Variants in PREP observed in about 807,000 individuals in gnomAD.
PREP encodes dJ355L5.1 (prolyl endopeptidase).
In PREP, 29 loss-of-function variants were observed where a neutral mutation model predicts 87.6. That is an observed-to-expected ratio of 0.33 (90% CI 0.25 to 0.45). PREP has a LOEUF of 0.45. Ranked by LOEUF, PREP falls within the 20% of genes least tolerant of loss-of-function variation. The pLI is 1.00. For synonymous variants in PREP, 337 were observed against 328.6 expected (o/e 1.03, Z -0.28); for missense variants, 695 against 886.5 (o/e 0.78, Z 2.74).
intron 2 of PREP, among the ~76,000 whole-genome samples, chr6:105,389,967 T>A (rs1262450005): frequency 6.6e-6 from 1 of 152,132 alleles, no homozygotes; most frequent in Non-Finnish European, 1.5e-5. Context: ...AAAGCAGACG[T>A]TTTCCTACAC....
chr6:105,395,885 C>A (rs193052047), intron 2 of PREP, among the ~76,000 whole-genome samples: 43 of 152,222 alleles, frequency 2.8e-4, no homozygotes, highest in Non-Finnish European at 5.1e-4. Flanking sequence ...CATCCTTTCC[C>A]TGGTGCTTTC....
intron 9 of PREP, among the ~76,000 whole-genome samples, 188 bp from the exon 10 acceptor site, chr6:105,323,956 G>A (rs553239396): frequency 6.6e-6 from 1 of 152,308 alleles, no homozygotes; most frequent in South Asian, 2.1e-4. Flanking sequence ...GGCATGAGGG[G>A]TGCTATGTAA....
At chr6:105,399,727 C>G (rs975166516) in intron 1 of PREP, among the ~76,000 whole-genome samples, 1 of 152,144 alleles carries the variant, frequency 6.6e-6, no homozygotes, top group African/African-American at 2.4e-5. Flanking sequence ...ATCTGCTTTT[C>G]CTAGCATTAA....
chr6:105,345,979 T>C (rs1771786610), intron 7 of PREP, among the ~76,000 whole-genome samples: 1 of 152,236 alleles, frequency 6.6e-6, no homozygotes, highest in Non-Finnish European at 1.5e-5. Context: ...TTAAAATTAG[T>C]ATAAATACTC....
chr6:105,352,177 G>A (rs1771974509), intron 7 of PREP, among the ~76,000 whole-genome samples: 1 of 152,208 alleles, frequency 6.6e-6, no homozygotes, highest in Non-Finnish European at 1.5e-5. Context: ...AGAAGATAAT[G>A]TAATTAGCTT....
At chr6:105,402,002 T>C (rs1347368391) in intron 1 of PREP, among the ~76,000 whole-genome samples, 1 of 152,150 alleles carries the variant, frequency 6.6e-6, no homozygotes, top group African/African-American at 2.4e-5. Flanking sequence ...TCCTAAGTCG[T>C]CAAATTCACG....
At chr6:105,394,699 G>C (rs1380632440) in intron 2 of PREP, among the ~76,000 whole-genome samples, 3 of 152,204 alleles carry the variant, frequency 2.0e-5, no homozygotes, top group African/African-American at 4.8e-5. Context: ...CAGCTACTTG[G>C]GAGGCTAAGG....
At chr6:105,333,844 G>A (rs1004136185) in intron 7 of PREP, among the ~76,000 whole-genome samples, 10 of 151,950 alleles carry the variant, frequency 6.6e-5, no homozygotes, top group Non-Finnish European at 1.3e-4. Context: ...AGTCGTCGTC[G>A]TCTCCCTCCC....
At chr6:105,397,783 T>C (rs954350388) in intron 2 of PREP, 70 bp downstream of exon 2, 7 of 1,207,432 alleles carry the variant, frequency 5.8e-6, no homozygotes, top group Non-Finnish European at 8.6e-6. Flanking sequence ...GGAAAAGCTA[T>C]AGTTACTGAC....
At chr6:105,327,311 G>C (rs1306226805) in intron 9 of PREP, among the ~76,000 whole-genome samples, 3 of 152,206 alleles carry the variant, frequency 2.0e-5, no homozygotes, top group Non-Finnish European at 2.9e-5. Context: ...AAGAGGGAAT[G>C]GGGGGAGGTG....
chr6:105,282,623 ATAAAAATAAGTTTAATC>A (rs1470992820), intron 12 of PREP, 41 bp from the exon 13 acceptor site: 1 of 1,598,728 alleles, frequency 6.3e-7, no homozygotes, highest in East Asian at 2.2e-5. Flanking sequence ...TTAACAAAAC[ATAAAAATAAGTTTAATC>A]TAATGGGAAT....
Position 105,376,270 on chromosome 6 carries a change from T to C in PREP, c.255-15A>G. 1 of 1,611,114 alleles carries C rather than the reference T, an allele frequency of 6.2e-7. No homozygotes were observed. Among genetic ancestry groups the C allele is most frequent in the South Asian group, 1.1e-5 (1 of 90,524 alleles). ...AATAAAAATACCTGGGGAACAGAGA[T>C]GGTCTTTATTCAGCTGTGGAGTTTT... On this transcript the variant is annotated splice_polypyrimidine_tract_variant and intron_variant, in intron 3 of 14. Transcript: ENST00000652536.
intron 10 of PREP, among the ~76,000 whole-genome samples, chr6:105,290,576 ACT>A (rs1443036832): frequency 2.0e-5 from 3 of 151,992 alleles, no homozygotes; most frequent in Non-Finnish European, 4.4e-5. Flanking sequence ...ATCCCAGCTG[ACT>A]CTCAGACCCT....
intron 8 of PREP, among the ~76,000 whole-genome samples, chr6:105,332,206 CAAGGGACCTGCAGAAAA>C (rs1771353125): frequency 6.6e-6 from 1 of 152,028 alleles, no homozygotes; most frequent in South Asian, 2.1e-4. Context: ...TCTTCAGGGC[CAAGGGACCTGCAGAAAA>C]AAGGGACCAG....
intron 9 of PREP, among the ~76,000 whole-genome samples, chr6:105,326,552 C>G (rs570870178): frequency 6.6e-6 from 1 of 152,154 alleles, no homozygotes; most frequent in Non-Finnish European, 1.5e-5. Flanking sequence ...TATTTGTGAC[C>G]CTGGGGCTTT....
At chr6:105,360,944 T>G (rs192665758) in intron 6 of PREP, among the ~76,000 whole-genome samples, 1 of 152,160 alleles carries the variant, frequency 6.6e-6, no homozygotes, top group Admixed American at 6.5e-5. Flanking sequence ...CACATACATA[T>G]GTACACACAC....
At chr6:105,317,681 A>G (rs113481801) in intron 10 of PREP, among the ~76,000 whole-genome samples, 11 of 152,278 alleles carry the variant, frequency 7.2e-5, no homozygotes, top group African/African-American at 2.4e-4. Context: ...GGGACTGTGA[A>G]GGAGGGCAGT....
intron 6 of PREP, among the ~76,000 whole-genome samples, chr6:105,356,180 A>C (rs1438665496): frequency 1.3e-5 from 2 of 152,082 alleles, no homozygotes; most frequent in African/African-American, 2.4e-5. Flanking sequence ...TCTGCCTGCA[A>C]AACATTTTGC....
At chr6:105,334,641 A>G (rs551182088) in intron 7 of PREP, among the ~76,000 whole-genome samples, 1 of 152,184 alleles carries the variant, frequency 6.6e-6, no homozygotes, top group South Asian at 2.1e-4. Context: ...CAGCTTGAAC[A>G]CAGAAGGTGG....
Sources: allele counts gnomAD v4.1 joint callset (sites outside exome capture counted in the v4.1 genomes callset), GRCh38; gene constraint gnomAD v4.1.1; transcripts MANE v1.5; gene names NCBI Gene and HGNC (gene_info 2026-07-23, HGNC 2026-07-21).